Variants in ARHGAP17 observed in about 807,000 individuals in gnomAD.
ARHGAP17 encodes the protein Rho GTPase activating protein 17.
Under a neutral mutation model 99.5 loss-of-function variants are expected in ARHGAP17, and 57 were observed. That is an observed-to-expected ratio of 0.57 (90% confidence interval 0.46 to 0.71). The LOEUF is 0.71. ARHGAP17 is among the 30% of genes least tolerant of loss of function. The pLI, the probability that ARHGAP17 is intolerant of heterozygous loss-of-function variation, is 0.00. For synonymous variants in ARHGAP17, 417 were observed against 429.6 expected, an observed-to-expected ratio of 0.97 and a Z score of 0.36; for missense variants, 1,000 against 1,122.4, an observed-to-expected ratio of 0.89 and a Z score of 1.56.
intron 1 of ARHGAP17, among the ~76,000 whole-genome samples, chr16:24,993,030 G>A (rs1280655048): frequency 2.6e-5 from 4 of 151,974 alleles, no homozygotes; most frequent in Non-Finnish European, 2.9e-5. Flanking sequence ...CAAACTCCTC[G>A]CCGCAAGTGA....
chr16:24,940,151 T>C (rs1450364646), intron 16 of ARHGAP17, among the ~76,000 whole-genome samples: 1 of 152,172 alleles, frequency 6.6e-6, no homozygotes, highest in Non-Finnish European at 1.5e-5. Context: ...GTCAAACTCC[T>C]GGCCTCAAGT....
At chr16:24,959,478 G>A (rs527976557) in intron 9 of ARHGAP17, among the ~76,000 whole-genome samples, 193 bp downstream of exon 9, 1 of 152,206 alleles carries the variant, frequency 6.6e-6, no homozygotes, top group Non-Finnish European at 1.5e-5. Flanking sequence ...TGTTCCATTA[G>A]TGTGTTAATT....
At position 25,009,547 on chromosome 16, in the gene ARHGAP17, G is replaced by A. The variant is rs140680818; in HGVS notation, c.53+5662C>T. The stretch of plus-strand genomic sequence containing the variant: ...AAGAGAGATGAGATTCATTCAATTC[G>A]GCAGCAGGGGACTGTTCTGGGATCA... On this transcript the variant is annotated intron_variant, in intron 1 of 19. Transcript: ENST00000289968. Among the ~76,000 whole-genome samples, 37 of 152,218 alleles carry A rather than the reference G, an allele frequency of 2.4e-4. No homozygotes were observed. The East Asian group carries it at 3.3e-3, about 14-fold the overall frequency.
chr16:24,990,771 C>CTTTT (rs11371621), intron 1 of ARHGAP17, among the ~76,000 whole-genome samples: 2 of 135,268 alleles, frequency 1.5e-5, no homozygotes, highest in African/African-American at 2.8e-5. Flanking sequence ...TGGGGCTTGG[C>CTTTT]TTTTTTTTTT....
In ARHGAP17 at chr16:24,943,764, G is replaced by C. The variant is rs779219983; in HGVS notation, c.1333+7C>G. ...TTGGCGGTCAATGAAACTGAAGTGA[G>C]AATTACCTTCAGGGAAGAACCAGTC... On this transcript the variant is annotated splice_region_variant and intron_variant, in intron 15 of 19. Transcript: ENST00000289968. 1.3e-5 allele frequency: 21 copies of C among 1,612,174 alleles called. No homozygotes were observed. The highest frequency in any genetic ancestry group is 1.8e-5 in the Non-Finnish European group (21 of 1,178,388).
At chr16:24,996,385 T>G (rs2053192559) in intron 1 of ARHGAP17, among the ~76,000 whole-genome samples, 1 of 152,148 alleles carries the variant, frequency 6.6e-6, no homozygotes, top group Non-Finnish European at 1.5e-5. Context: ...ATAAAAAAAT[T>G]TCTTCAGCGT....
In ARHGAP17 at chr16:24,954,744, T is replaced by C. The variant is rs775029717; in HGVS notation, c.725-14A>G. 3 of 1,613,028 alleles carry C rather than the reference T, an allele frequency of 1.9e-6. No homozygotes were observed. The African/African-American group carries it at 4.0e-5, about 22-fold the overall frequency. The stretch of plus-strand genomic sequence containing the variant: ...CCGCCCACTTATCTAGAGCAGCAAA[T>C]TGTTCAGTTAGACACCCAACAAACT... On this transcript the variant is annotated splice_polypyrimidine_tract_variant and intron_variant, in intron 9 of 19. Coordinates refer to ENST00000289968, the MANE Select transcript of ARHGAP17 (RefSeq NM_001006634.3).
chr16:24,939,680 C>T, intron 16 of ARHGAP17, 83 bp from the exon 17 acceptor site: 1 of 1,408,492 alleles, frequency 7.1e-7, no homozygotes. Flanking sequence ...GTGTTAAAAC[C>T]ACACATGGGG....
intron 6 of ARHGAP17, among the ~76,000 whole-genome samples, chr16:24,966,262 CAAG>C (rs979597685): frequency 6.6e-6 from 1 of 152,122 alleles, no homozygotes; most frequent in African/African-American, 2.4e-5. Context: ...TGTGGGAGGT[CAAG>C]AAGAGACATT....
intron 14 of ARHGAP17, among the ~76,000 whole-genome samples, chr16:24,946,331 G>A (rs1019851656): frequency 1.3e-5 from 2 of 151,650 alleles, no homozygotes; most frequent in East Asian, 1.9e-4. Context: ...ACGAAGCCAC[G>A]TGACATGCCC....
chr16:24,985,710 C>G (rs574426245), intron 1 of ARHGAP17, among the ~76,000 whole-genome samples: 16 of 152,304 alleles, frequency 1.1e-4, no homozygotes, highest in African/African-American at 3.6e-4. Flanking sequence ...AGATGGGGAT[C>G]TGGACATGTT....
At chr16:25,012,621 C>G (rs2053671784) in intron 1 of ARHGAP17, among the ~76,000 whole-genome samples, 1 of 152,228 alleles carries the variant, frequency 6.6e-6, no homozygotes, top group East Asian at 1.9e-4. Flanking sequence ...TAGGCACTCT[C>G]CAGCCTCCGT....
chr16:24,999,239 A>G (rs1326384473), intron 1 of ARHGAP17, among the ~76,000 whole-genome samples: 2 of 152,162 alleles, frequency 1.3e-5, no homozygotes, highest in African/African-American at 4.8e-5. Context: ...TGCTCATTAG[A>G]GCGGAGTTCT....
intron 1 of ARHGAP17, among the ~76,000 whole-genome samples, chr16:24,987,052 A>G (rs77124006): frequency 0.014 from 2,138 of 152,336 alleles, 53 homozygotes; most frequent in African/African-American, 0.049. Flanking sequence ...ACTGATAAAC[A>G]TATTTCGGGA....
Position 25,008,640 on chromosome 16 carries a change from C to T in ARHGAP17, c.53+6569G>A, listed in dbSNP as rs115684522. Among the ~76,000 whole-genome samples, 1,101 of 152,296 alleles carry T rather than the reference C, an allele frequency of 7.2e-3. 17 individuals carry two copies. Among genetic ancestry groups the T allele is most frequent in the African/African-American group, 0.025 (1,030 of 41,542 alleles). On this transcript the variant is annotated intron_variant, in intron 1 of 19. Transcript: ENST00000289968. ...TGGTCTGACAAAAATGCACGGTGCA[C>T]GTACTGACTGCAGCGCCCTAGGCCA...
At chr16:24,989,680 G>T (rs2052978586) in intron 1 of ARHGAP17, among the ~76,000 whole-genome samples, 1 of 152,092 alleles carries the variant, frequency 6.6e-6, no homozygotes, top group Admixed American at 6.6e-5. Flanking sequence ...TGTGGTGATG[G>T]TTACACAACT....
At position 24,930,870 on chromosome 16, in the gene ARHGAP17, G is replaced by T. The variant is rs1304207405; in HGVS notation, c.2429C>A (p.Pro810His). The stretch of plus-strand genomic sequence containing the variant: ...GACACCAGGAGGTTGGGGGGGTGGG[G>T]GCACGCTGGGCCGGTTCCTTGGCTT... The part of the protein sequence containing the change: ...VPKPRNRPSV[P>H]PPPQPPGVHS... Residue 810 changes from proline (P) to histidine (H), a missense_variant, in exon 19 of 20, where the codon CCC (proline) becomes CAC (histidine). Pro to His is a moderately conservative substitution (Grantham distance 77). This residue lies in a region of ARHGAP17 where 528 missense variants were observed against 511.4 expected (regional missense o/e 1.03). Coordinates refer to ENST00000289968, the MANE Select transcript of ARHGAP17 (RefSeq NM_001006634.3). The T allele has an allele frequency of 1.2e-6, 2 of 1,613,870 alleles. No homozygotes were observed. Among genetic ancestry groups the T allele is most frequent in the Non-Finnish European group, 8.5e-7 (1 of 1,179,996 alleles).
chr16:25,008,764 GAACAT>G (rs1399712967), intron 1 of ARHGAP17, among the ~76,000 whole-genome samples: 1 of 152,122 alleles, frequency 6.6e-6, no homozygotes, highest in Non-Finnish European at 1.5e-5. Flanking sequence ...GATGCTAAAT[GAACAT>G]ATCCTTTTAT....
chr16:24,921,694 C>G (rs2050723216), intron 19 of ARHGAP17, among the ~76,000 whole-genome samples: 1 of 152,150 alleles, frequency 6.6e-6, no homozygotes, highest in African/African-American at 2.4e-5. Context: ...TGGGTTGTCC[C>G]TCAAGGTTTC....
Sources: gnomAD v4.1 joint callset for allele counts (sites outside exome capture counted in the v4.1 genomes callset) on GRCh38, gnomAD v4.1.1 for gene constraint, gnomAD v4.1.1 regional missense constraint, MANE v1.5 for transcripts, NCBI Gene and HGNC (gene_info 2026-07-23, HGNC 2026-07-21) for gene names.